BACH2: variants seen among roughly 807,000 people sequenced by gnomAD.
BACH2 encodes the protein transcription regulator protein BACH2.
In BACH2, 5 loss-of-function variants were observed where a neutral mutation model predicts 61.8. The ratio of observed to expected loss-of-function variants is 0.08; its 90% confidence interval spans 0.04 to 0.17. The LOEUF (loss-of-function observed/expected upper bound fraction) is 0.17, where lower values mean the gene tolerates loss of function less well. Ranked by LOEUF, BACH2 falls within the 10% of genes least tolerant of loss-of-function variation. The pLI is 1.00. For missense variants in BACH2, 824 were observed against 1,091.1 expected (o/e 0.76, Z 3.45); for synonymous variants, 446 against 440.1 (o/e 1.01, Z -0.17).
At chr6:90,060,187 A>G (rs1309404087) in intron 5 of BACH2, among the ~76,000 whole-genome samples, 1 of 151,740 alleles carries the variant, frequency 6.6e-6, no homozygotes, top group African/African-American at 2.4e-5. Context: ...AAAACTCTTC[A>G]CTTAAAAAAA....
At chr6:90,160,790 CTT>C (rs1785162920) in intron 4 of BACH2, among the ~76,000 whole-genome samples, 1 of 152,134 alleles carries the variant, frequency 6.6e-6, no homozygotes, top group Admixed American at 6.5e-5. Context: ...CACTTATGGT[CTT>C]TATGAAAGGA....
intron 1 of BACH2, among the ~76,000 whole-genome samples, chr6:90,287,931 G>A (rs1318915253): frequency 6.6e-6 from 1 of 152,188 alleles, no homozygotes; most frequent in African/African-American, 2.4e-5. Context: ...GAGGGGACTG[G>A]GTGGCCAAAA....
At chr6:90,088,210 T>C (rs1256634084) in intron 5 of BACH2, among the ~76,000 whole-genome samples, 1 of 152,158 alleles carries the variant, frequency 6.6e-6, no homozygotes, top group African/African-American at 2.4e-5. Context: ...GATAATGCTA[T>C]GATGACTCAC....
intron 4 of BACH2, among the ~76,000 whole-genome samples, chr6:90,130,097 C>T (rs149489723): frequency 6.6e-6 from 1 of 152,078 alleles, no homozygotes; most frequent in African/African-American, 2.4e-5. Flanking sequence ...TCTCAAACCC[C>T]TGACCTCATG....
intron 6 of BACH2, among the ~76,000 whole-genome samples, chr6:89,988,675 A>C (rs1776374018): frequency 6.6e-6 from 1 of 152,232 alleles, no homozygotes; most frequent in Admixed American, 6.5e-5. Context: ...AACATACTCT[A>C]AAAGATGGCT....
At chr6:90,209,506 A>T (rs1045186530) in intron 3 of BACH2, among the ~76,000 whole-genome samples, 2 of 152,230 alleles carry the variant, frequency 1.3e-5, no homozygotes, top group Admixed American at 1.3e-4. Flanking sequence ...CAATGTATGT[A>T]TCCATCCATG....
intron 5 of BACH2, among the ~76,000 whole-genome samples, chr6:90,084,597 T>C (rs1781854115): frequency 6.6e-6 from 1 of 152,016 alleles, no homozygotes; most frequent in African/African-American, 2.4e-5. Context: ...AGAAACCTCT[T>C]TTCCTTTGCC....
At chr6:90,149,872 G>C (rs1335978954) in intron 4 of BACH2, among the ~76,000 whole-genome samples, 1 of 152,158 alleles carries the variant, frequency 6.6e-6, no homozygotes, top group South Asian at 2.1e-4. Context: ...CTATCATTTA[G>C]GGAGGAGCAT....
At chr6:90,167,879 C>T (rs1029064179) in intron 4 of BACH2, among the ~76,000 whole-genome samples, 2 of 152,218 alleles carry the variant, frequency 1.3e-5, no homozygotes, top group African/African-American at 4.8e-5. Flanking sequence ...TTAAAAGAAA[C>T]TGGTGTAACC....
intron 6 of BACH2, among the ~76,000 whole-genome samples, chr6:90,000,763 T>C (rs2127778032): frequency 6.6e-6 from 1 of 152,356 alleles, no homozygotes; most frequent in East Asian, 1.9e-4. Flanking sequence ...CCCAGAAGTC[T>C]CTTTCCGCTC....
chr6:90,033,933 A>C (rs189833140), intron 5 of BACH2, among the ~76,000 whole-genome samples: 1 of 152,344 alleles, frequency 6.6e-6, no homozygotes, highest in African/African-American at 2.4e-5. Context: ...TTAGAATGCC[A>C]GTCAAGGAAA....
intron 1 of BACH2, among the ~76,000 whole-genome samples, chr6:90,276,109 A>C (rs1338739806): frequency 6.6e-6 from 1 of 152,236 alleles, no homozygotes; most frequent in Non-Finnish European, 1.5e-5. Flanking sequence ...AGAGGCTTTC[A>C]ATAAATGCAA....
intron 1 of BACH2, among the ~76,000 whole-genome samples, chr6:90,277,579 T>C (rs952062328): frequency 2.0e-5 from 3 of 152,244 alleles, no homozygotes; most frequent in African/African-American, 4.8e-5. Flanking sequence ...GTTCACTTTA[T>C]GGAAATTCGT....
rs780015347 is a variant in BACH2, at chr6:89,932,879, T to C, written c.2055A>G (p.Lys685=). 6.3e-6 allele frequency: 10 copies of C among 1,593,692 alleles called. No individual in the cohort carries two copies. The East Asian group carries it at 1.8e-4, about 29-fold the overall frequency. ...GATTCCTCTCTGACAACAGTTTCTC[T>C]TTCTCACACACCTGGACAGTAGAGA... The part of the protein sequence containing the change: ...ECEIRKLVCE[K]EKLLSERNQL... Residue 685 remains lysine, a synonymous_variant, in exon 9 of 9, where the codon AAA becomes AAG. Coordinates refer to ENST00000257749, the MANE Select transcript of BACH2 (RefSeq NM_021813.4).
chr6:89,971,006 A>G (rs1438653708), intron 6 of BACH2, among the ~76,000 whole-genome samples: 1 of 152,248 alleles, frequency 6.6e-6, no homozygotes, highest in African/African-American at 2.4e-5. Flanking sequence ...CATAGAATAC[A>G]TTTTTAGCAA....
chr6:90,235,015 T>G (rs115586782), intron 3 of BACH2, among the ~76,000 whole-genome samples: 1 of 152,218 alleles, frequency 6.6e-6, no homozygotes, highest in Admixed American at 6.5e-5. Flanking sequence ...ATCATCATAG[T>G]CAGCAACCTG....
At chr6:90,226,511 T>G (rs1301360078) in intron 3 of BACH2, among the ~76,000 whole-genome samples, 1 of 152,204 alleles carries the variant, frequency 6.6e-6, no homozygotes, top group East Asian at 1.9e-4. Flanking sequence ...TGAAGAGATG[T>G]GCATAAACGA....
intron 4 of BACH2, among the ~76,000 whole-genome samples, chr6:90,191,371 AATG>A (rs1768564976): frequency 6.6e-6 from 1 of 152,232 alleles, no homozygotes; most frequent in African/African-American, 2.4e-5. Flanking sequence ...GACTTGCTTT[AATG>A]ATTAGATGGA....
In BACH2 at chr6:90,087,807, C is replaced by T. The variant is rs143273127; in HGVS notation, c.-13+1154G>A. On this transcript the variant is annotated intron_variant, in intron 5 of 8. Coordinates refer to ENST00000257749, the MANE Select transcript of BACH2 (RefSeq NM_021813.4). ...AGTACATGAGATGTTTTGATACAGG[C>T]ATGCAATATGAAATGAGCACGTCAT... Among the ~76,000 whole-genome samples the T allele has an allele frequency of 1.7e-3, 264 of 151,994 alleles. 1 individual carries two copies. The highest frequency in any genetic ancestry group is 4.2e-3 in the East Asian group (22 of 5,180).
Sources: allele counts gnomAD v4.1 joint callset (sites outside exome capture counted in the v4.1 genomes callset), GRCh38; gene constraint gnomAD v4.1.1; transcripts MANE v1.5; gene names NCBI Gene and HGNC (gene_info 2026-07-23, HGNC 2026-07-21).